LSAMP: variants seen among roughly 807,000 people sequenced by gnomAD.
LSAMP encodes the protein limbic system associated membrane protein, also known as limbic system-associated membrane protein.
Under a neutral mutation model 38.6 loss-of-function variants are expected in LSAMP, and 7 were observed. That is an observed-to-expected ratio of 0.18 (90% confidence interval 0.10 to 0.34). The LOEUF (loss-of-function observed/expected upper bound fraction) is 0.34. Among genes scored for constraint, LSAMP ranks in the 10% least tolerant of loss-of-function variants. LSAMP has a pLI of 1.00. For missense variants in LSAMP, 313 were observed against 420.0 expected, an observed-to-expected ratio of 0.75 and a Z score of 2.23; for synonymous variants, 154 against 166.8, an observed-to-expected ratio of 0.92 and a Z score of 0.59.
At chr3:115,946,623 A>G (rs1327112599) in intron 3 of LSAMP, among the ~76,000 whole-genome samples, 1 of 152,242 alleles carries the variant, frequency 6.6e-6, no homozygotes, top group East Asian at 1.9e-4. Flanking sequence ...GTATCTATTT[A>G]CAAAATTTAA....
chr3:115,915,808 T>C (rs1257190846), intron 3 of LSAMP, among the ~76,000 whole-genome samples: 1 of 152,100 alleles, frequency 6.6e-6, no homozygotes, highest in South Asian at 2.1e-4. Flanking sequence ...AATTTTTGTA[T>C]TTCTAGTAGA....
chr3:116,358,678 T>A (rs1486128391), intron 1 of LSAMP, among the ~76,000 whole-genome samples: 1 of 152,162 alleles, frequency 6.6e-6, no homozygotes, highest in Non-Finnish European at 1.5e-5. Flanking sequence ...AGACATTCTA[T>A]CTCTTTATGC....
chr3:116,355,050 G>A (rs2048203217), intron 1 of LSAMP, among the ~76,000 whole-genome samples: 1 of 152,014 alleles, frequency 6.6e-6, no homozygotes, highest in Admixed American at 6.6e-5. Context: ...GTAGCTCATT[G>A]TATTAGCTAT....
intron 1 of LSAMP, among the ~76,000 whole-genome samples, chr3:116,167,212 T>C (rs1290504875): frequency 6.6e-6 from 1 of 152,168 alleles, no homozygotes; most frequent in Non-Finnish European, 1.5e-5. Flanking sequence ...GTGTACACTG[T>C]ACCCAATATG....
chr3:116,373,511 T>C (rs1349493764), intron 1 of LSAMP, among the ~76,000 whole-genome samples: 1 of 151,696 alleles, frequency 6.6e-6, no homozygotes, highest in Non-Finnish European at 1.5e-5. Flanking sequence ...GTAGTGATGG[T>C]TGCACAGCAA....
rs2107434878 is a variant in LSAMP, at chr3:115,804,491, T to C, written c.*5826A>G. 1 of 152,292 alleles carries C rather than the reference T, an allele frequency of 6.6e-6. No homozygotes were observed. The highest frequency in any genetic ancestry group is 1.5e-5 in the Non-Finnish European group (1 of 68,008). The allele number at this position is 152,292 out of a possible 1,614,324, so 9.4% of individuals were successfully genotyped here. On this transcript the variant is annotated 3_prime_UTR_variant, in exon 7 of 7. Coordinates refer to ENST00000490035, the MANE Select transcript of LSAMP (RefSeq NM_002338.5). ...CACCTTCTACCTCACTTTAAAGTTG[T>C]CAGTTTATCTTAGATGATGAGGAAG...
chr3:116,069,674 G>A (rs1576344447), intron 2 of LSAMP, among the ~76,000 whole-genome samples: 1 of 152,178 alleles, frequency 6.6e-6, no homozygotes, highest in East Asian at 1.9e-4. Context: ...GAATGGAGAT[G>A]TTAGAAATAA....
chr3:116,144,792 TTTTG>T (rs1009513086), intron 1 of LSAMP, among the ~76,000 whole-genome samples: 29 of 152,048 alleles, frequency 1.9e-4, no homozygotes, highest in African/African-American at 7.0e-4. Context: ...TCCCGGGTGC[TTTTG>T]TTTGTTTCAA....
intron 1 of LSAMP, among the ~76,000 whole-genome samples, chr3:116,268,524 C>T (rs750864622): frequency 1.3e-5 from 2 of 152,032 alleles, no homozygotes; most frequent in African/African-American, 4.8e-5. Context: ...TAGGCTCATG[C>T]CATTTCTTTA....
At chr3:115,882,954 C>T (rs139661331) in intron 3 of LSAMP, among the ~76,000 whole-genome samples, 220 of 151,892 alleles carry the variant, frequency 1.4e-3, no homozygotes, top group African/African-American at 4.9e-3. Context: ...ACTATCTGGA[C>T]GATAGTTAAC....
chr3:115,876,333 A>G (rs2107414096), intron 3 of LSAMP, among the ~76,000 whole-genome samples: 1 of 145,094 alleles, frequency 6.9e-6, no homozygotes, highest in Middle Eastern at 3.9e-3. Context: ...CATAGGGATC[A>G]TTAACTTTCC....
At position 115,946,497 on chromosome 3, in the gene LSAMP, A is replaced by G. The variant is rs183960606; in HGVS notation, c.514+73018T>C. 1.1e-4 allele frequency among the ~76,000 whole-genome samples: 17 copies of G among 152,332 alleles called. No individual in the cohort carries two copies. The East Asian group carries it at 3.3e-3, about 29-fold the overall frequency. On this transcript the variant is annotated intron_variant, in intron 3 of 6. Transcript: ENST00000490035. ...AAAACAGCTGCTAAGAGGCTAGAAAATATAAACAGAGATTTTGCGCCAGTA... is the reference window on the plus strand; with the variant it reads ...AAAACAGCTGCTAAGAGGCTAGAAAGTATAAACAGAGATTTTGCGCCAGTA...
intron 1 of LSAMP, among the ~76,000 whole-genome samples, chr3:116,329,261 A>G (rs1013729379): frequency 2.0e-5 from 3 of 152,174 alleles, no homozygotes; most frequent in African/African-American, 7.2e-5. Context: ...TTTTAGGGTT[A>G]GACAAACTAA....
At chr3:116,141,625 G>A (rs547546115) in intron 1 of LSAMP, among the ~76,000 whole-genome samples, 37 of 151,868 alleles carry the variant, frequency 2.4e-4, no homozygotes, top group Non-Finnish European at 4.7e-4. Context: ...ATGGCACCTG[G>A]GAGTCATCAT....
At chr3:115,833,359 GTTT>G (rs59072688) in intron 6 of LSAMP, among the ~76,000 whole-genome samples, 3 of 128,084 alleles carry the variant, frequency 2.3e-5, no homozygotes, top group African/African-American at 2.9e-5. Context: ...TTTTAGGGAA[GTTT>G]TTTTTTTTTT....
At chr3:115,944,781 A>G (rs1938041393) in intron 3 of LSAMP, among the ~76,000 whole-genome samples, 1 of 152,180 alleles carries the variant, frequency 6.6e-6, no homozygotes, top group Non-Finnish European at 1.5e-5. Flanking sequence ...ATTAAAACCC[A>G]AGAATATCTA....
chr3:116,370,476 T>C (rs2048415816), intron 1 of LSAMP, among the ~76,000 whole-genome samples: 1 of 152,088 alleles, frequency 6.6e-6, no homozygotes, highest in Non-Finnish European at 1.5e-5. Context: ...GAAGAGTAAA[T>C]GGTGACTAAT....
chr3:116,076,008 G>T (rs1252419522), intron 2 of LSAMP, among the ~76,000 whole-genome samples: 1 of 152,032 alleles, frequency 6.6e-6, no homozygotes, highest in African/African-American at 2.4e-5. Context: ...ATCTTTAAGA[G>T]ATCTGGTGTT....
intron 2 of LSAMP, among the ~76,000 whole-genome samples, chr3:116,076,063 A>T (rs928602899): frequency 2.6e-5 from 4 of 152,256 alleles, no homozygotes; most frequent in Admixed American, 2.6e-4. Flanking sequence ...TTTTTTAAAA[A>T]ATTAATTCAT....
Sources: gnomAD v4.1 joint callset for allele counts (sites outside exome capture counted in the v4.1 genomes callset) on GRCh38, gnomAD v4.1.1 for gene constraint, MANE v1.5 for transcripts, NCBI Gene and HGNC (gene_info 2026-07-23, HGNC 2026-07-21) for gene names.